The following KCNK5 variants were observed in gnomAD, a reference collection of about 807,000 sequenced individuals.
The protein encoded by KCNK5 is potassium channel subfamily K member 5.
A neutral mutation model predicts 32.9 loss-of-function variants in KCNK5; 18 were observed. The ratio of observed to expected loss-of-function variants is 0.55; its 90% CI spans 0.38 to 0.81. The LOEUF (loss-of-function observed/expected upper bound fraction) is 0.81. KCNK5 is among the 30% of genes least tolerant of loss of function. The pLI is 0.00. For synonymous variants in KCNK5, 276 were observed against 275.3 expected (o/e 1.00, Z -0.03); for missense variants, 507 against 651.0 (o/e 0.78, Z 2.41).
chr6:39,207,559 C>G (rs892754602), intron 1 of KCNK5, among the ~76,000 whole-genome samples: 3 of 151,984 alleles, frequency 2.0e-5, no homozygotes, highest in Non-Finnish European at 4.4e-5. Flanking sequence ...AAGCCCAAAG[C>G]CCCCAGAGGT....
Position 39,194,579 on chromosome 6 carries a change from G to A in KCNK5, c.465+15C>T, listed in dbSNP as rs1770996645. 6.2e-7 allele frequency: 1 copy of A among 1,613,756 alleles called. No individual in the cohort carries two copies. The highest frequency in any genetic ancestry group is 8.5e-7 in the Non-Finnish European group (1 of 1,179,762). ...TTCCCCCATCTCTGCCCAACACCCAGGGTAGGGGACATACCAGACTCACAC... is the reference window on the plus strand; with the variant it reads ...TTCCCCCATCTCTGCCCAACACCCAAGGTAGGGGACATACCAGACTCACAC... On this transcript the variant is annotated intron_variant, in intron 3 of 4. Transcript: ENST00000359534. This position sits in a 1 kb window ranked among gnomAD's most constrained non-coding sequence, Gnocchi z 4.7.
rs770451443 is a variant in KCNK5, at chr6:39,229,088, G to A, written c.24C>T (p.Leu8=). 11 of 1,614,056 alleles carry A rather than the reference G, an allele frequency of 6.8e-6. No homozygotes were observed. Among genetic ancestry groups the A allele is most frequent in the Middle Eastern group, 1.6e-4 (1 of 6,082 alleles). Residue 8 remains leucine, a synonymous_variant, in exon 1 of 5, where the codon CTC becomes CTT. Transcript: ENST00000359534. ...CCAGGTAGAAGATGATGGCCGAGGT[G>A]AGCAGAGGGCCCCGGTCCACCATGG... is the stretch of plus-strand genomic sequence containing the variant. MVDRGPL[L]TSAIIFYLAI...
At chr6:39,227,957 A>T (rs1771703986) in intron 1 of KCNK5, among the ~76,000 whole-genome samples, 1 of 152,122 alleles carries the variant, frequency 6.6e-6, no homozygotes, top group Non-Finnish European at 1.5e-5. Context: ...ACTTTCACCC[A>T]GGTCCTGGTC....
At chr6:39,225,821 G>A (rs747201304) in intron 1 of KCNK5, among the ~76,000 whole-genome samples, 4 of 152,122 alleles carry the variant, frequency 2.6e-5, no homozygotes, top group Admixed American at 6.5e-5. Flanking sequence ...TCCCCGTCCC[G>A]CCCCATAGGC....
chr6:39,225,968 G>A (rs1318736493), intron 1 of KCNK5, among the ~76,000 whole-genome samples: 7 of 152,212 alleles, frequency 4.6e-5, no homozygotes, highest in Non-Finnish European at 8.8e-5. Flanking sequence ...CTAAGGTCAG[G>A]AGACCTGTTC....
intron 1 of KCNK5, among the ~76,000 whole-genome samples, chr6:39,220,127 C>T (rs1442138856): frequency 6.6e-6 from 1 of 151,994 alleles, no homozygotes; most frequent in Admixed American, 6.6e-5. Flanking sequence ...CAACAAGGCC[C>T]CTGGCAGCCC....
At chr6:39,208,869 C>A (rs1771276902) in intron 1 of KCNK5, among the ~76,000 whole-genome samples, 1 of 152,198 alleles carries the variant, frequency 6.6e-6, no homozygotes. Flanking sequence ...ACTGGCAGAT[C>A]ATCTGAGGTC....
chr6:39,196,546 C>T (rs1010141178), intron 1 of KCNK5, among the ~76,000 whole-genome samples: 2 of 152,150 alleles, frequency 1.3e-5, no homozygotes, highest in Non-Finnish European at 2.9e-5. Flanking sequence ...CCCCCATATA[C>T]CCTTCAGCCT....
At chr6:39,209,341 A>C (rs867182363) in intron 1 of KCNK5, among the ~76,000 whole-genome samples, 140 of 152,302 alleles carry the variant, frequency 9.2e-4, no homozygotes, top group African/African-American at 3.3e-3. Context: ...CAGGAAGCAG[A>C]CAGGCCAGCC....
intron 1 of KCNK5, among the ~76,000 whole-genome samples, chr6:39,221,106 C>T (rs1049011107): frequency 6.6e-6 from 1 of 152,174 alleles, no homozygotes; most frequent in Non-Finnish European, 1.5e-5. Flanking sequence ...CTCATCCTTC[C>T]ACTTCCTAGC....
intron 1 of KCNK5, among the ~76,000 whole-genome samples, chr6:39,205,050 C>T (rs769527927): frequency 1.3e-5 from 2 of 152,226 alleles, no homozygotes; most frequent in Non-Finnish European, 2.9e-5. Flanking sequence ...TCCCCCAGGG[C>T]AGGGGGGCAG....
At chr6:39,226,372 C>T (rs766145085) in intron 1 of KCNK5, among the ~76,000 whole-genome samples, 6 of 152,108 alleles carry the variant, frequency 3.9e-5, no homozygotes, top group South Asian at 2.1e-4. Flanking sequence ...TCAACCACAG[C>T]GGAGGGAAGG....
chr6:39,199,043 G>A (rs1468895151), intron 1 of KCNK5, among the ~76,000 whole-genome samples: 1 of 152,184 alleles, frequency 6.6e-6, no homozygotes, highest in Non-Finnish European at 1.5e-5. Context: ...TCTAGGCAGT[G>A]AGTATACTGC....
intron 1 of KCNK5, among the ~76,000 whole-genome samples, chr6:39,203,971 T>C (rs1278964250): frequency 6.6e-6 from 1 of 152,098 alleles, no homozygotes; most frequent in Non-Finnish European, 1.5e-5. Context: ...AGGGCAGCTG[T>C]AGTTTACGAG....
chr6:39,225,745 C>T (rs1048795656), intron 1 of KCNK5, among the ~76,000 whole-genome samples: 1 of 152,216 alleles, frequency 6.6e-6, no homozygotes, highest in African/African-American at 2.4e-5. Flanking sequence ...AGTTACAGAG[C>T]AACAATCTTC....
intron 1 of KCNK5, among the ~76,000 whole-genome samples, chr6:39,213,232 G>A (rs780563709): frequency 1.3e-5 from 2 of 152,202 alleles, no homozygotes; most frequent in Admixed American, 1.3e-4. Flanking sequence ...GTACATGCAT[G>A]TATTTTATCC....
chr6:39,211,212 C>T (rs1346217041), intron 1 of KCNK5, among the ~76,000 whole-genome samples: 1 of 152,124 alleles, frequency 6.6e-6, no homozygotes, highest in East Asian at 1.9e-4. Flanking sequence ...AGTGGGGAGG[C>T]TGGGCTGGAG....
chr6:39,223,252 C>T (rs768545504), intron 1 of KCNK5, among the ~76,000 whole-genome samples: 1 of 152,186 alleles, frequency 6.6e-6, no homozygotes, highest in Admixed American at 6.5e-5. Context: ...GCTTCAGAGG[C>T]CACTCCCACA....
chr6:39,210,121 C>T (rs1771305764), intron 1 of KCNK5, among the ~76,000 whole-genome samples: 1 of 152,184 alleles, frequency 6.6e-6, no homozygotes, highest in South Asian at 2.1e-4. Context: ...ATGCCTCACA[C>T]AGCTGCATCC....
Sources: allele counts gnomAD v4.1 joint callset (sites outside exome capture counted in the v4.1 genomes callset), GRCh38; gene constraint gnomAD v4.1.1; non-coding constraint Gnocchi (gnomAD v3.1); transcripts MANE v1.5; gene names NCBI Gene and HGNC (gene_info 2026-07-23, HGNC 2026-07-21).